The following TES variants were observed in gnomAD, a reference collection of about 807,000 sequenced individuals.
TES encodes testin LIM domain protein, also known as testin.
A neutral mutation model predicts 48.2 loss-of-function variants in TES; 41 were observed. That is an observed-to-expected ratio of 0.85 (90% CI 0.66 to 1.10). TES has a LOEUF of 1.10. Among genes scored for constraint, TES ranks in the 50% least tolerant of loss-of-function variants. The probability of loss-of-function intolerance (pLI) is 0.00; values close to 1 mark genes in which losing one functional copy is unlikely to be tolerated. For synonymous variants in TES, 162 were observed against 174.9 expected (o/e 0.93, Z 0.58); for missense variants, 463 against 515.1 (o/e 0.90, Z 0.98).
At chr7:116,213,359 A>C (rs1375539367) in intron 1 of TES, among the ~76,000 whole-genome samples, 1 of 152,228 alleles carries the variant, frequency 6.6e-6, no homozygotes, top group East Asian at 1.9e-4. Context: ...AACTAATATG[A>C]CTTCTGTTTT....
rs540499836 is a variant in TES, at chr7:116,216,211, A to T, written c.27+5477A>T. On this transcript the variant is annotated intron_variant, in intron 1 of 6. Coordinates refer to ENST00000358204, the MANE Select transcript of TES (RefSeq NM_015641.4). ...AGAAGAAGGAATACAAGTTGGCCCCATGCTAATGTGTATATACCTTTTTTA... is the reference window on the plus strand; with the variant it reads ...AGAAGAAGGAATACAAGTTGGCCCCTTGCTAATGTGTATATACCTTTTTTA... 2.0e-5 allele frequency among the ~76,000 whole-genome samples: 3 copies of T among 152,258 alleles called. No homozygotes were observed. In the South Asian group the frequency reaches 6.2e-4, roughly 32 times the overall value.
At position 116,248,041 on chromosome 7, in the gene TES, C is replaced by G. The variant is rs148164279; in HGVS notation, c.114-979C>G. On this transcript the variant is annotated intron_variant, in intron 2 of 6. Coordinates refer to ENST00000358204, the MANE Select transcript of TES (RefSeq NM_015641.4). The stretch of plus-strand genomic sequence containing the variant: ...GTCCATGTGTACTCAATATTTAGCT[C>G]CCACTTATAAGTGAGAATATGTGGT... Among the ~76,000 whole-genome samples the G allele has an allele frequency of 3.8e-4, 58 of 152,282 alleles. 2 individuals carry two copies. The East Asian group carries it at 8.7e-3, about 23-fold the overall frequency.
rs779572000 is a variant in TES at position 116,251,876 on chromosome 7, A to G, written c.819A>G (p.Glu273=). ...GTTTTGTCTGCAGCACCTGCCATGA[A>G]CTCCTGGTTGACATGATTTATTTTT... is the stretch of plus-strand genomic sequence containing the variant. ...PACFVCSTCH[E]LLVDMIYFWK... Residue 273 remains glutamate (E), a synonymous_variant, in exon 5 of 7, where the codon GAA becomes GAG. Coordinates refer to ENST00000358204, the MANE Select transcript of TES (RefSeq NM_015641.4). 1 of 1,613,790 alleles carries G rather than the reference A, an allele frequency of 6.2e-7. No individual in the cohort carries two copies.
intron 1 of TES, chr7:116,217,722 GT>G: frequency 3.9e-6 from 2 of 509,762 alleles, no homozygotes; most frequent in Non-Finnish European, 7.8e-6. Flanking sequence ...TGTTCTTTGA[GT>G]AAATATCCAT....
intron 1 of TES, among the ~76,000 whole-genome samples, chr7:116,214,857 C>T (rs1038181861): frequency 6.6e-6 from 1 of 152,120 alleles, no homozygotes; most frequent in Non-Finnish European, 1.5e-5. Context: ...ACTGCACACT[C>T]CTCTAGGAAA....
chr7:116,211,908 C>T (rs1405939631), intron 1 of TES, among the ~76,000 whole-genome samples: 3 of 152,128 alleles, frequency 2.0e-5, no homozygotes, highest in Non-Finnish European at 1.5e-5. Flanking sequence ...TTTTTCATTC[C>T]TTGCGACTAA....
chr7:116,248,836 A>G (rs574768259), intron 2 of TES, among the ~76,000 whole-genome samples, 184 bp from the exon 3 acceptor site: 1 of 152,176 alleles, frequency 6.6e-6, no homozygotes, highest in South Asian at 2.1e-4. Context: ...TTATCAAGCA[A>G]AGTCGTGTTT....
At chr7:116,218,019 C>A (rs1168095987) in intron 1 of TES, 2 of 452,110 alleles carry the variant, frequency 4.4e-6, no homozygotes, top group Non-Finnish European at 8.9e-6. Flanking sequence ...TTCTCTGTTC[C>A]TTAGTCTGTT....
rs553821934 is a variant in TES at position 116,235,232 on chromosome 7, T to A, written c.113+613T>A. Among the ~76,000 whole-genome samples the A allele has an allele frequency of 1.4e-4, 21 of 152,366 alleles. 2 individuals are homozygous for A. The South Asian group carries it at 3.9e-3, about 29-fold the overall frequency. ...TCCCAAAGTGCTGGGATTACAGGCG[T>A]GAGCCACCATGCCTGGCCCTGTTTA... On this transcript the variant is annotated intron_variant, in intron 2 of 6. Coordinates refer to ENST00000358204, the MANE Select transcript of TES (RefSeq NM_015641.4).
chr7:116,252,064 C>A, intron 5 of TES, 89 bp downstream of exon 5: 3 of 1,331,964 alleles, frequency 2.3e-6, no homozygotes, highest in Non-Finnish European at 3.2e-6. Flanking sequence ...CTTGACCAAA[C>A]AGCAGTTGCT....
intron 2 of TES, among the ~76,000 whole-genome samples, chr7:116,242,531 CTCTCTCTGTCTCTG>C (rs1273964705): frequency 3.6e-3 from 248 of 69,374 alleles, no homozygotes; most frequent in African/African-American, 0.018. Context: ...CTCTCTCTCT[CTCTCTCTGTCTCTG>C]TCTCGGAATA....
chr7:116,250,518 T>C, intron 4 of TES, 22 bp downstream of exon 4: 1 of 1,471,262 alleles, frequency 6.8e-7, no homozygotes, highest in Non-Finnish European at 9.0e-7. Context: ...GGTCACACTG[T>C]TAGCCTGATT....
intron 1 of TES, among the ~76,000 whole-genome samples, chr7:116,233,893 C>T (rs1306413290): frequency 6.6e-6 from 1 of 152,032 alleles, no homozygotes; most frequent in Non-Finnish European, 1.5e-5. Flanking sequence ...GAACTCACTC[C>T]CTCAGGGGCT....
At chr7:116,246,235 T>C (rs1799921602) in intron 2 of TES, among the ~76,000 whole-genome samples, 2 of 152,216 alleles carry the variant, frequency 1.3e-5, no homozygotes, top group Admixed American at 1.3e-4. Context: ...ATATTTTACC[T>C]GGACCACAAC....
intron 1 of TES, 32 bp downstream of exon 1, chr7:116,210,766 C>T: frequency 2.4e-6 from 3 of 1,237,398 alleles, no homozygotes; most frequent in Non-Finnish European, 3.1e-6. Context: ...GCGGCGGCTG[C>T]TTCACCTGCG....
Position 116,217,382 on chromosome 7 carries a change from A to G in TES, c.27+6648A>G, listed in dbSNP as rs566153456. Among the ~76,000 whole-genome samples, 16 of 152,290 alleles carry G rather than the reference A, an allele frequency of 1.1e-4. No homozygotes were observed. In the East Asian group the frequency reaches 2.3e-3, roughly 22 times the overall value. ...CTTACACCTATAATATACACAAACT[A>G]TAAGTCTTCTCCCTGCCTACAAATG... On this transcript the variant is annotated intron_variant, in intron 1 of 6. Coordinates refer to ENST00000358204, the MANE Select transcript of TES (RefSeq NM_015641.4).
intron 6 of TES, among the ~76,000 whole-genome samples, chr7:116,254,123 G>C (rs1800058832): frequency 6.6e-6 from 1 of 152,042 alleles, no homozygotes; most frequent in Non-Finnish European, 1.5e-5. Flanking sequence ...GAATATTGTT[G>C]CAACAGTTTT....
chr7:116,250,130 C>T, intron 3 of TES, 31 bp from the exon 4 acceptor site: 2 of 1,483,980 alleles, frequency 1.3e-6, no homozygotes, highest in Non-Finnish European at 9.0e-7. Flanking sequence ...AATGGCCAAT[C>T]CCAGTTAACA....
intron 1 of TES, among the ~76,000 whole-genome samples, chr7:116,231,374 G>A (rs921744751): frequency 3.3e-5 from 5 of 152,206 alleles, no homozygotes; most frequent in African/African-American, 4.8e-5. Context: ...AAAAGTATTT[G>A]AAGATCTTAT....
Sources: allele counts gnomAD v4.1 joint callset (sites outside exome capture counted in the v4.1 genomes callset), GRCh38; gene constraint gnomAD v4.1.1; transcripts MANE v1.5; gene names NCBI Gene and HGNC (gene_info 2026-07-23, HGNC 2026-07-21).